Variants in TPTE observed in about 807,000 individuals in gnomAD.
TPTE encodes the protein putative tyrosine-protein phosphatase TPTE.
TPTE carries 59 observed loss-of-function variants against 84.1 expected under a neutral mutation model. The ratio of observed to expected loss-of-function variants is 0.70; its 90% CI spans 0.57 to 0.87. The LOEUF (loss-of-function observed/expected upper bound fraction) is 0.87. TPTE is among the 40% of genes least tolerant of loss of function. The pLI, the probability that TPTE is intolerant of heterozygous loss-of-function variation, is 0.00. For missense variants in TPTE, 382 were observed against 659.6 expected (o/e 0.58, Z 4.61); for synonymous variants, 130 against 223.5 (o/e 0.58, Z 3.73).
intron 17 of TPTE, among the ~76,000 whole-genome samples, chr21:10,582,732 G>GT (rs1323764267): frequency 1.3e-5 from 2 of 152,204 alleles, no homozygotes; most frequent in Admixed American, 1.3e-4. Flanking sequence ...GATGAATTAT[G>GT]TTTTTTGTTT....
At chr21:10,540,264 C>A (rs2074344264) in intron 4 of TPTE, among the ~76,000 whole-genome samples, 1 of 152,304 alleles carries the variant, frequency 6.6e-6, no homozygotes, top group Non-Finnish European at 1.5e-5. Flanking sequence ...TGCATTCGTA[C>A]ACACAAGAGA....
At chr21:10,601,575 C>A (rs1209081095) in intron 21 of TPTE, among the ~76,000 whole-genome samples, 2 of 152,306 alleles carry the variant, frequency 1.3e-5, no homozygotes, top group East Asian at 1.9e-4. Flanking sequence ...AAACAACAGG[C>A]CAGGTGCAGT....
At chr21:10,564,936 A>G (rs985861727) in intron 10 of TPTE, among the ~76,000 whole-genome samples, 2 of 152,308 alleles carry the variant, frequency 1.3e-5, no homozygotes, top group Non-Finnish European at 2.9e-5. Context: ...TCTGCGATCT[A>G]GAACACAATG....
chr21:10,529,748 T>C (rs2074143200), intron 3 of TPTE, among the ~76,000 whole-genome samples: 1 of 152,310 alleles, frequency 6.6e-6, no homozygotes, highest in Non-Finnish European at 1.5e-5. Context: ...GTAAATATTA[T>C]TCAGTTTATA....
intron 21 of TPTE, among the ~76,000 whole-genome samples, chr21:10,598,467 C>G (rs1381974386): frequency 6.6e-6 from 1 of 152,310 alleles, no homozygotes; most frequent in Non-Finnish European, 1.5e-5. Flanking sequence ...AGCACTGATT[C>G]TAAAAGTTTA....
At chr21:10,579,442 A>G (rs1303115831) in intron 17 of TPTE, among the ~76,000 whole-genome samples, 3 of 152,308 alleles carry the variant, frequency 2.0e-5, no homozygotes, top group Non-Finnish European at 4.4e-5. Context: ...GTGAGCTGAG[A>G]TCGCACCATT....
chr21:10,552,514 T>A, intron 7 of TPTE, 143 bp from the exon 8 acceptor site: 1 of 1,373,740 alleles, frequency 7.3e-7, no homozygotes, highest in Non-Finnish European at 9.8e-7. Flanking sequence ...CTCTCTTAAA[T>A]ATTAGGTCTT....
intron 3 of TPTE, among the ~76,000 whole-genome samples, chr21:10,535,295 T>C (rs2074248153): frequency 6.6e-6 from 1 of 152,306 alleles, no homozygotes; most frequent in East Asian, 1.9e-4. Flanking sequence ...AGGATTTATA[T>C]ACAAGTAAGT....
chr21:10,540,791 G>A (rs751988366), intron 4 of TPTE: 5 of 529,832 alleles, frequency 9.4e-6, no homozygotes, highest in African/African-American at 5.7e-5. Context: ...ACTCAAATGG[G>A]ATTATAAGAA....
intron 9 of TPTE, 106 bp downstream of exon 9, chr21:10,559,650 G>A: frequency 5.1e-6 from 8 of 1,580,820 alleles, no homozygotes; most frequent in Non-Finnish European, 8.7e-7. Context: ...GAGGCGGGCG[G>A]ATCACATGAA....
At chr21:10,574,214 T>C (rs60033619) in intron 14 of TPTE, among the ~76,000 whole-genome samples, 1,249 of 149,846 alleles carry the variant, frequency 8.3e-3, no homozygotes, top group African/African-American at 0.03. Context: ...TTTAATTTTA[T>C]GTAATTTACA....
At chr21:10,595,641 T>G (rs2075567701) in intron 19 of TPTE, among the ~76,000 whole-genome samples, 1 of 152,308 alleles carries the variant, frequency 6.6e-6, no homozygotes, top group African/African-American at 2.4e-5. Context: ...CCACAAGTCT[T>G]CCTCTAACTC....
At chr21:10,596,464 CAG>C (rs1491528460) in intron 20 of TPTE, among the ~76,000 whole-genome samples, 79 of 152,230 alleles carry the variant, frequency 5.2e-4, no homozygotes, top group African/African-American at 1.6e-3. Context: ...ACCTCTAGTT[CAG>C]AGTTTGCCTT....
chr21:10,527,803 C>T (rs2074106718), intron 3 of TPTE, among the ~76,000 whole-genome samples: 1 of 152,308 alleles, frequency 6.6e-6, no homozygotes, highest in Non-Finnish European at 1.5e-5. Flanking sequence ...GCCATCATCA[C>T]ATTGGATGGA....
At chr21:10,570,954 C>T (rs8130420) in intron 14 of TPTE, among the ~76,000 whole-genome samples, 9,608 of 140,688 alleles carry the variant, frequency 0.068, 1 homozygote, top group African/African-American at 0.17. Context: ...TAAATGCACC[C>T]CCCAAGGCCC....
chr21:10,581,759 A>G lies in TPTE; in HGVS notation c.1027+3154A>G, dbSNP rs1187958207. 5.9e-5 allele frequency among the ~76,000 whole-genome samples: 9 copies of G among 152,416 alleles called. No individual in the cohort carries two copies. The South Asian group carries it at 1.2e-3, about 21-fold the overall frequency. On this transcript the variant is annotated intron_variant, in intron 17 of 23. Coordinates refer to ENST00000618007, the MANE Select transcript of TPTE (RefSeq NM_199261.4). ...AATTTTTGTTTTGTTTTGAGACATG[A>G]TCTCGCTGTGTCACTCAGGCTGGAG...
At chr21:10,547,131 C>T (rs984750070) in intron 7 of TPTE, among the ~76,000 whole-genome samples, 1 of 152,304 alleles carries the variant, frequency 6.6e-6, no homozygotes, top group Non-Finnish European at 1.5e-5. Context: ...AGCCAACAAT[C>T]ATTGACTATT....
chr21:10,530,910 T>G (rs112085936), intron 3 of TPTE, among the ~76,000 whole-genome samples: 1 of 152,304 alleles, frequency 6.6e-6, no homozygotes, highest in African/African-American at 2.4e-5. Context: ...TGATAACTTA[T>G]GAATTTGAGC....
chr21:10,585,451 T>A (rs2075347329), intron 17 of TPTE, among the ~76,000 whole-genome samples: 1 of 152,312 alleles, frequency 6.6e-6, no homozygotes, highest in South Asian at 2.1e-4. Context: ...GTAATTTAGT[T>A]GTGCTGTATT....
Sources: allele counts gnomAD v4.1 joint callset (sites outside exome capture counted in the v4.1 genomes callset), GRCh38; gene constraint gnomAD v4.1.1; transcripts MANE v1.5; gene names NCBI Gene and HGNC (gene_info 2026-07-23, HGNC 2026-07-21).